The following ABTB3 variants were observed in gnomAD, a reference collection of about 807,000 sequenced individuals.
ABTB3 encodes ankyrin repeat and BTB domain containing 3, also known as ankyrin repeat- and BTB/POZ domain-containing protein 3.
At chr12:107,387,746 C>T in the ABTB3 span, among the ~76,000 whole-genome samples, 1 of 152,166 alleles carries the variant, frequency 6.6e-6, no homozygotes, top group South Asian at 2.1e-4. Flanking sequence ...GTGACTCCTT[C>T]CTCAGAACAG....
the ABTB3 span, among the ~76,000 whole-genome samples, chr12:107,612,097 T>C: frequency 6.6e-6 from 1 of 152,268 alleles, no homozygotes; most frequent in Admixed American, 6.5e-5. Context: ...ATGTGTGGTG[T>C]GAGAAAAGTC....
the ABTB3 span, among the ~76,000 whole-genome samples, chr12:107,335,250 A>G: frequency 7.6e-6 from 1 of 131,996 alleles, no homozygotes; most frequent in Admixed American, 8.6e-5. Context: ...TCATGCCACT[A>G]TATTCCAGCC....
the ABTB3 span, among the ~76,000 whole-genome samples, chr12:107,386,700 A>T: frequency 6.6e-6 from 1 of 152,142 alleles, no homozygotes; most frequent in African/African-American, 2.4e-5. Flanking sequence ...CCTTTGTTAT[A>T]GAGCACACCA....
the ABTB3 span, among the ~76,000 whole-genome samples, chr12:107,343,935 C>T: frequency 6.6e-5 from 10 of 152,296 alleles, no homozygotes; most frequent in Non-Finnish European, 1.5e-4. Flanking sequence ...CAGGTGCCTC[C>T]CTTGACTCCT....
the ABTB3 span, among the ~76,000 whole-genome samples, chr12:107,611,966 T>G: frequency 1.1e-4 from 17 of 152,176 alleles, no homozygotes; most frequent in Non-Finnish European, 2.1e-4. Flanking sequence ...GGCTGTAATG[T>G]TTTTCATTTG....
chr12:107,428,008 GT>G, the ABTB3 span, among the ~76,000 whole-genome samples: 185 of 152,198 alleles, frequency 1.2e-3, no homozygotes, highest in Non-Finnish European at 2.1e-3. Flanking sequence ...TGCCCTCCTT[GT>G]TTCCACCTCA....
At chr12:107,602,675 A>G in the ABTB3 span, among the ~76,000 whole-genome samples, 1 of 152,248 alleles carries the variant, frequency 6.6e-6, no homozygotes, top group East Asian at 1.9e-4. Flanking sequence ...GTTTATGCTC[A>G]TAATTTCTAT....
the ABTB3 span, chr12:107,610,078 G>T: frequency 7.8e-6 from 10 of 1,289,392 alleles, no homozygotes; most frequent in South Asian, 1.3e-4. Flanking sequence ...CCTAGGAACA[G>T]GCAATTTACA....
chr12:107,520,751 G>A, the ABTB3 span: 1 of 1,351,262 alleles, frequency 7.4e-7, no homozygotes, highest in East Asian at 2.4e-5. Context: ...AATCAGCGGG[G>A]TGACACCTTT....
chr12:107,483,989 G>T, the ABTB3 span, among the ~76,000 whole-genome samples: 1 of 152,160 alleles, frequency 6.6e-6, no homozygotes, highest in South Asian at 2.1e-4. Flanking sequence ...ATCATGCTCA[G>T]CCAGGCTGTT....
At chr12:107,425,706 TCCCA>T in the ABTB3 span, among the ~76,000 whole-genome samples, 1 of 152,216 alleles carries the variant, frequency 6.6e-6, no homozygotes, top group Non-Finnish European at 1.5e-5. Context: ...ATCAGATCAC[TCCCA>T]GAACTTCACT....
the ABTB3 span, among the ~76,000 whole-genome samples, chr12:107,583,949 A>G: frequency 6.6e-6 from 1 of 152,230 alleles, no homozygotes; most frequent in Non-Finnish European, 1.5e-5. Flanking sequence ...CTAAATTTTC[A>G]TTCGATTTGG....
At chr12:107,580,629 C>A in the ABTB3 span, 1 of 340,076 alleles carries the variant, frequency 2.9e-6, no homozygotes. Context: ...CAGCATGTTG[C>A]CTGGGCAGAG....
chr12:107,336,056 A>G, the ABTB3 span, among the ~76,000 whole-genome samples: 1 of 152,170 alleles, frequency 6.6e-6, no homozygotes, highest in Admixed American at 6.5e-5. Flanking sequence ...TCACTGCTGC[A>G]TCCTCACCTC....
the ABTB3 span, among the ~76,000 whole-genome samples, chr12:107,605,527 G>A: frequency 3.9e-5 from 6 of 152,214 alleles, no homozygotes; most frequent in Non-Finnish European, 7.3e-5. Context: ...GAAGAAAGAG[G>A]AGAGTCGCTG....
chr12:107,501,228 G>A, the ABTB3 span, among the ~76,000 whole-genome samples: 5 of 152,130 alleles, frequency 3.3e-5, no homozygotes, highest in African/African-American at 1.2e-4. Flanking sequence ...GTTTTCATCA[G>A]TATTATTATT....
chr12:107,509,801 C>A, the ABTB3 span, among the ~76,000 whole-genome samples: 1 of 152,226 alleles, frequency 6.6e-6, no homozygotes, highest in South Asian at 2.1e-4. Flanking sequence ...GGCTAGTGTA[C>A]AAACATTTCT....
the ABTB3 span, among the ~76,000 whole-genome samples, chr12:107,414,585 G>A: frequency 9.2e-5 from 14 of 152,108 alleles, no homozygotes; most frequent in Non-Finnish European, 1.8e-4. Flanking sequence ...TAAAGGTGGC[G>A]AGACATTCGG....
the ABTB3 span, among the ~76,000 whole-genome samples, chr12:107,646,061 C>G: frequency 1.3e-5 from 2 of 152,246 alleles, no homozygotes; most frequent in Non-Finnish European, 2.9e-5. Flanking sequence ...TCTCCTCCCC[C>G]AAGTCTGTTT....
Sources: allele counts gnomAD v4.1 joint callset (sites outside exome capture counted in the v4.1 genomes callset), GRCh38; gene constraint gnomAD v4.1.1; transcripts MANE v1.5; gene names NCBI Gene and HGNC (gene_info 2026-07-23, HGNC 2026-07-21).